The following NCAN variants were observed in gnomAD, a reference collection of about 807,000 sequenced individuals.
The protein encoded by NCAN is neurocan.
In NCAN, 47 loss-of-function variants were observed where a neutral mutation model predicts 121.8. The ratio of observed to expected loss-of-function variants is 0.39; its 90% CI spans 0.31 to 0.49. NCAN has a LOEUF of 0.49. NCAN is among the 20% of genes least tolerant of loss of function. The pLI is 0.92. For missense variants in NCAN, 1,517 were observed against 1,773.4 expected, an observed-to-expected ratio of 0.86 and a Z score of 2.60; for synonymous variants, 633 against 702.0, an observed-to-expected ratio of 0.90 and a Z score of 1.55.
chr19:19,247,978 T>G (rs1675852248), intron 13 of NCAN, among the ~76,000 whole-genome samples: 1 of 151,940 alleles, frequency 6.6e-6, no homozygotes, highest in Non-Finnish European at 1.5e-5. Context: ...TGGGACCCTG[T>G]CTTTACAAAA....
At chr19:19,239,968 T>C (rs2060897361) in intron 11 of NCAN, among the ~76,000 whole-genome samples, 1 of 118,830 alleles carries the variant, frequency 8.4e-6, no homozygotes, top group Non-Finnish European at 1.8e-5. Flanking sequence ...CTCATCTTCC[T>C]CCTCCTTTCT....
rs1320611547 is a variant in NCAN at position 19,227,650 on chromosome 19, T to G, written c.2030T>G (p.Val677Gly). ...APPSPAAETK[V>G]YSLPLSLTPT... ...CCCTCCCCTGCTGCAGAGACCAAGG[T>G]GTATTCCCTGCCTCTCTCTTTGACC... Residue 677 changes from valine (V) to glycine (G), a missense_variant, in exon 8 of 15, where the codon GTG becomes GGG. By Grantham distance (109) the Val-to-Gly change is moderately radical. Coordinates refer to ENST00000252575, the MANE Select transcript of NCAN (RefSeq NM_004386.3). The surrounding 1 kb of genome is among the most constrained non-coding windows in gnomAD (Gnocchi z 4.2). The G allele has an allele frequency of 6.2e-6, 10 of 1,613,602 alleles. No individual in the cohort carries two copies. Among genetic ancestry groups the G allele is most frequent in the South Asian group, 1.1e-5 (1 of 91,070 alleles).
intron 11 of NCAN, chr19:19,238,856 C>G: frequency 3.6e-6 from 1 of 276,288 alleles, no homozygotes; most frequent in Non-Finnish European, 7.1e-6. Flanking sequence ...GGGAGAAGCA[C>G]CTGTAATGTG....
intron 8 of NCAN, 33 bp from the exon 9 acceptor site, chr19:19,233,756 G>C (rs2060870332): frequency 2.1e-6 from 3 of 1,398,024 alleles, no homozygotes; most frequent in Non-Finnish European, 2.0e-6. Flanking sequence ...TCTGTGGCCT[G>C]ACTCTTCCCC....
intron 10 of NCAN, among the ~76,000 whole-genome samples, 200 bp downstream of exon 10, chr19:19,235,296 A>G (rs1416288880): frequency 6.6e-6 from 1 of 152,118 alleles, no homozygotes; most frequent in Admixed American, 6.5e-5. Context: ...TTGAGATGGA[A>G]TCTTGCTCTG....
intron 1 of NCAN, among the ~76,000 whole-genome samples, chr19:19,216,453 A>C (rs2060796353): frequency 1.3e-5 from 2 of 152,078 alleles, no homozygotes; most frequent in Admixed American, 1.3e-4. Context: ...CTGGGATTAC[A>C]GGCGCCTGCC....
chr19:19,224,458 G>C, intron 5 of NCAN, 25 bp downstream of exon 5: 1 of 1,607,066 alleles, frequency 6.2e-7, no homozygotes, highest in Non-Finnish European at 8.5e-7. Flanking sequence ...GGCAGGACCC[G>C]GCCCCTCCGC....
chr19:19,246,531 T>C (rs1326889571), intron 13 of NCAN, among the ~76,000 whole-genome samples: 2 of 152,098 alleles, frequency 1.3e-5, no homozygotes, highest in Non-Finnish European at 2.9e-5. Context: ...GAATAACCAG[T>C]TGTTTTTTGT....
intron 3 of NCAN, among the ~76,000 whole-genome samples, chr19:19,222,085 T>C (rs1045422684): frequency 6.6e-6 from 1 of 152,088 alleles, no homozygotes; most frequent in Non-Finnish European, 1.5e-5. Context: ...GGGCTTAACC[T>C]GCATGCCCCC....
At chr19:19,249,068 T>A in intron 14 of NCAN, 186 bp downstream of exon 14, 1 of 619,202 alleles carries the variant, frequency 1.6e-6, no homozygotes, top group Non-Finnish European at 2.8e-6. Context: ...TGTGTGTGTG[T>A]GTGTGTGTGT....
Position 19,249,704 on chromosome 19 carries a change from A to C in NCAN, c.3821-62A>C, listed in dbSNP as rs1366846452. 19 of 1,539,708 alleles carry C rather than the reference A, an allele frequency of 1.2e-5. No homozygotes were observed. The Admixed American group carries it at 1.7e-4, about 13-fold the overall frequency. On this transcript the variant is annotated intron_variant, in intron 14 of 14. Transcript: ENST00000252575. The stretch of plus-strand genomic sequence containing the variant: ...TTTCTCTCCCAAGGACACCCGCTGC[A>C]TCAGGCCACCTGCCTCTCACCACCT...
At chr19:19,221,547 A>C (rs1257799716) in intron 3 of NCAN, among the ~76,000 whole-genome samples, 2 of 151,976 alleles carry the variant, frequency 1.3e-5, no homozygotes, top group Non-Finnish European at 2.9e-5. Context: ...CAGCCTGGGC[A>C]ACAAGAGGGA....
At chr19:19,231,421 C>G (rs1328692903) in intron 8 of NCAN, among the ~76,000 whole-genome samples, 2 of 151,754 alleles carry the variant, frequency 1.3e-5, no homozygotes, top group Non-Finnish European at 2.9e-5. Flanking sequence ...CTCCGCCTCC[C>G]AGGTTCAAGT....
At position 19,217,046 on chromosome 19, in the gene NCAN, G is replaced by A. The variant is rs757998242; in HGVS notation, c.73+20G>A. 1.5e-6 allele frequency: 2 copies of A among 1,310,468 alleles called. No homozygotes were observed. The highest frequency in any genetic ancestry group is 5.6e-5 in the East Asian group (2 of 35,626). The allele number at this position is 1,310,468 out of a possible 1,614,324, so 81.2% of individuals were successfully genotyped here. On this transcript the variant is annotated intron_variant, in intron 2 of 14. Transcript: ENST00000252575. ...AACAGGGTGAGTTGGTTTGTGGGGA[G>A]GGAGAGATTGGGGTCTAGGGGATGG...
At chr19:19,244,884 G>T (rs562210019) in intron 12 of NCAN, among the ~76,000 whole-genome samples, 3 of 151,724 alleles carry the variant, frequency 2.0e-5, no homozygotes, top group South Asian at 2.1e-4. Flanking sequence ...CTAATTTTTT[G>T]TATTTTTAGT....
rs1379152072 is a variant in NCAN, at chr19:19,212,416, G to A, written c.-8+352G>A. Among the ~76,000 whole-genome samples the A allele has an allele frequency of 6.6e-6, 1 of 152,092 alleles. No individual in the cohort carries two copies. Among genetic ancestry groups the A allele is most frequent in the Non-Finnish European group, 1.5e-5 (1 of 67,992 alleles). ...GGAGGGAAGAAGAGGACACCCAGAT[G>A]CCGAATGGGGGACTCTGGAACAGGG... On this transcript the variant is annotated intron_variant, in intron 1 of 14. Transcript: ENST00000252575. The surrounding 1 kb of genome is among the most constrained non-coding windows in gnomAD (Gnocchi z 4.5).
chr19:19,223,270 C>T (rs1330741267), intron 3 of NCAN, among the ~76,000 whole-genome samples: 1 of 152,160 alleles, frequency 6.6e-6, no homozygotes, highest in Admixed American at 6.5e-5. Context: ...CTCCTGCCAC[C>T]TCCAGGGCCT....
At position 19,228,245 on chromosome 19, in the gene NCAN, C is replaced by T; in HGVS notation, c.2625C>T (p.Thr875=). The T allele has an allele frequency of 6.2e-7, 1 of 1,613,910 alleles. No individual in the cohort carries two copies. Among genetic ancestry groups the T allele is most frequent in the Non-Finnish European group, 8.5e-7 (1 of 1,180,008 alleles). The part of the protein sequence containing the change: ...LDTSIVTPLT[T]LEQGDKVGVP... ...CAAGCATTGTGACGCCCCTCACGAC[C>T]CTGGAGCAGGGGGACAAGGTTGGAG... The change falls in exon 8 of 15, where the codon ACC becomes ACT. Residue 875 remains threonine (T), a synonymous_variant. Transcript: ENST00000252575.
intron 12 of NCAN, among the ~76,000 whole-genome samples, chr19:19,242,983 A>T (rs1323851224): frequency 6.6e-6 from 1 of 152,158 alleles, no homozygotes; most frequent in East Asian, 1.9e-4. Flanking sequence ...AAAAATTCAA[A>T]AATTGAGACA....
Sources: gnomAD v4.1 joint callset for allele counts (sites outside exome capture counted in the v4.1 genomes callset) on GRCh38, gnomAD v4.1.1 for gene constraint, Gnocchi (gnomAD v3.1) non-coding constraint, MANE v1.5 for transcripts, NCBI Gene and HGNC (gene_info 2026-07-23, HGNC 2026-07-21) for gene names.